TINAG: variants seen among roughly 807,000 people sequenced by gnomAD.
TINAG encodes tubulointerstitial nephritis antigen.
TINAG carries 83 observed loss-of-function variants against 72.7 expected under a neutral mutation model. The observed-to-expected ratio is 1.14, with a 90% CI of 0.96 to 1.37. TINAG has a LOEUF of 1.37. TINAG is among the 40% of genes most tolerant of loss of function. The pLI is 0.00. For missense variants in TINAG, 685 were observed against 576.6 expected (o/e 1.19, Z -1.93); for synonymous variants, 234 against 189.9 (o/e 1.23, Z -1.91).
At chr6:54,343,020 C>T (rs569515989) in intron 4 of TINAG, among the ~76,000 whole-genome samples, 1 of 152,150 alleles carries the variant, frequency 6.6e-6, no homozygotes, top group South Asian at 2.1e-4. Context: ...TTCTCATGAC[C>T]TTGTATTAGG....
intron 9 of TINAG, among the ~76,000 whole-genome samples, chr6:54,360,478 T>A (rs1035932455): frequency 1.1e-4 from 17 of 151,652 alleles, no homozygotes; most frequent in Admixed American, 1.1e-3. Context: ...ATATGGTATT[T>A]CAGATTTTTA....
At chr6:54,353,752 G>A (rs1053951334) in intron 8 of TINAG, among the ~76,000 whole-genome samples, 1 of 151,744 alleles carries the variant, frequency 6.6e-6, no homozygotes, top group African/African-American at 2.4e-5. Context: ...TATTTAAAAT[G>A]CTTGTCAAAT....
At chr6:54,361,648 C>A (rs1398808818) in intron 9 of TINAG, among the ~76,000 whole-genome samples, 1 of 151,606 alleles carries the variant, frequency 6.6e-6, no homozygotes, top group Non-Finnish European at 1.5e-5. Flanking sequence ...AGTAGTCACA[C>A]ATTTCTCACT....
intron 9 of TINAG, among the ~76,000 whole-genome samples, chr6:54,377,033 G>A (rs1763804695): frequency 6.6e-6 from 1 of 151,992 alleles, no homozygotes; most frequent in African/African-American, 2.4e-5. Flanking sequence ...TAAATTTTGA[G>A]AGAAAAAGTT....
chr6:54,326,362 T>A (rs927208339), intron 3 of TINAG, among the ~76,000 whole-genome samples: 1 of 151,944 alleles, frequency 6.6e-6, no homozygotes, highest in Non-Finnish European at 1.5e-5. Context: ...ACCTATTTTA[T>A]CCTTCATTTT....
intron 3 of TINAG, among the ~76,000 whole-genome samples, chr6:54,324,121 T>C (rs951923968): frequency 6.6e-6 from 1 of 152,078 alleles, no homozygotes; most frequent in Non-Finnish European, 1.5e-5. Context: ...TAAAGGGAGA[T>C]ATATAAGTGT....
chr6:54,326,685 A>G (rs953969287), intron 3 of TINAG, 117 bp from the exon 4 acceptor site: 4 of 659,356 alleles, frequency 6.1e-6, no homozygotes, highest in Admixed American at 3.7e-5. Flanking sequence ...GACAATTCTC[A>G]TATTGTGAGA....
chr6:54,315,784 AG>A (rs1784359991), intron 1 of TINAG, among the ~76,000 whole-genome samples: 1 of 152,194 alleles, frequency 6.6e-6, no homozygotes, highest in African/African-American at 2.4e-5. Flanking sequence ...TTTGGTATAG[AG>A]GATTTTAAGG....
At chr6:54,338,527 C>T (rs1381843725) in intron 4 of TINAG, among the ~76,000 whole-genome samples, 3 of 151,896 alleles carry the variant, frequency 2.0e-5, no homozygotes, top group Non-Finnish European at 2.9e-5. Flanking sequence ...CAAGACCATC[C>T]TAGCTAACAC....
At chr6:54,387,155 G>A (rs1764121273) in intron 10 of TINAG, among the ~76,000 whole-genome samples, 1 of 152,128 alleles carries the variant, frequency 6.6e-6, no homozygotes, top group African/African-American at 2.4e-5. Flanking sequence ...CATGTGAAAA[G>A]ATGGTCAATG....
At chr6:54,330,885 A>G (rs1479875868) in intron 4 of TINAG, among the ~76,000 whole-genome samples, 1 of 152,090 alleles carries the variant, frequency 6.6e-6, no homozygotes, top group Admixed American at 6.6e-5. Context: ...GGGCACATAC[A>G]CCCTCCCAGG....
At chr6:54,381,784 G>A (rs1373991526) in intron 10 of TINAG, among the ~76,000 whole-genome samples, 1 of 151,974 alleles carries the variant, frequency 6.6e-6, no homozygotes, top group Non-Finnish European at 1.5e-5. Flanking sequence ...AAATAAATTT[G>A]AACAGTTTTT....
intron 4 of TINAG, among the ~76,000 whole-genome samples, chr6:54,329,993 G>A (rs996052621): frequency 1.2e-4 from 18 of 151,914 alleles, no homozygotes; most frequent in Middle Eastern, 3.4e-3. Flanking sequence ...AAGACCTACC[G>A]AGACTTAGAC....
At chr6:54,322,232 T>C (rs968133176) in intron 3 of TINAG, among the ~76,000 whole-genome samples, 3 of 151,714 alleles carry the variant, frequency 2.0e-5, no homozygotes, top group Admixed American at 6.6e-5. Flanking sequence ...CACTGAAGCC[T>C]GGGAGGCGGA....
At chr6:54,349,644 A>T in intron 6 of TINAG, 72 bp from the exon 7 acceptor site, 1 of 1,289,694 alleles carries the variant, frequency 7.8e-7, no homozygotes, top group Non-Finnish European at 1.0e-6. Flanking sequence ...TAATTCAGTA[A>T]GATTAAATAT....
At chr6:54,370,427 T>C (rs1313416102) in intron 9 of TINAG, among the ~76,000 whole-genome samples, 3 of 151,880 alleles carry the variant, frequency 2.0e-5, no homozygotes, top group African/African-American at 7.2e-5. Context: ...GCAACCAATA[T>C]AAATTATAAA....
At chr6:54,323,561 T>G (rs1176540639) in intron 3 of TINAG, among the ~76,000 whole-genome samples, 2 of 152,252 alleles carry the variant, frequency 1.3e-5, no homozygotes, top group Admixed American at 6.5e-5. Flanking sequence ...TTCTATGTAA[T>G]GTACTTCAGT....
intron 6 of TINAG, among the ~76,000 whole-genome samples, chr6:54,349,333 G>A (rs1409773633): frequency 6.6e-6 from 1 of 151,672 alleles, no homozygotes; most frequent in Non-Finnish European, 1.5e-5. Flanking sequence ...TTCATTGTCT[G>A]GTTTATATTA....
At chr6:54,357,407 T>A (rs1258277655) in intron 9 of TINAG, among the ~76,000 whole-genome samples, 1 of 151,892 alleles carries the variant, frequency 6.6e-6, no homozygotes, top group Non-Finnish European at 1.5e-5. Flanking sequence ...TTTCCTGAAC[T>A]CCAGACTCAT....
Sources: gnomAD v4.1 joint callset for allele counts (sites outside exome capture counted in the v4.1 genomes callset) on GRCh38, gnomAD v4.1.1 for gene constraint, MANE v1.5 for transcripts, NCBI Gene and HGNC (gene_info 2026-07-23, HGNC 2026-07-21) for gene names.